The following SPINK5 variants were observed in gnomAD, a reference collection of about 807,000 sequenced individuals.
SPINK5 encodes serine peptidase inhibitor Kazal type 5, also known as serine protease inhibitor Kazal-type 5.
SPINK5 carries 125 observed loss-of-function variants against 151.8 expected under a neutral mutation model. That is an observed-to-expected ratio of 0.82 (90% CI 0.71 to 0.96). SPINK5 has a LOEUF of 0.96. SPINK5 is among the 40% of genes least tolerant of loss of function. The pLI, the probability that SPINK5 is intolerant of heterozygous loss-of-function variation, is 0.00. For missense variants in SPINK5, 1,194 were observed against 1,291.9 expected (o/e 0.92, Z 1.16); for synonymous variants, 374 against 395.3 (o/e 0.95, Z 0.64).
At chr5:148,119,379 A>G (rs537443785) in intron 24 of SPINK5, among the ~76,000 whole-genome samples, 1 of 152,222 alleles carries the variant, frequency 6.6e-6, no homozygotes, top group South Asian at 2.1e-4. Context: ...GTATACTGGG[A>G]TTTATTTTTG....
At chr5:148,132,330 C>A (rs1754592636) in intron 31 of SPINK5, among the ~76,000 whole-genome samples, 1 of 152,070 alleles carries the variant, frequency 6.6e-6, no homozygotes, top group Non-Finnish European at 1.5e-5. Flanking sequence ...ACACTATAAG[C>A]AAGGCCCAGA....
intron 6 of SPINK5, chr5:148,088,914 C>A: frequency 2.1e-6 from 1 of 466,710 alleles, no homozygotes; most frequent in South Asian, 1.9e-5. Context: ...GTCACTTAGC[C>A]TGCGTTAAAA....
rs762115235 is a variant in SPINK5, at chr5:148,072,261, T to C, written c.282+41T>C. 12 of 1,584,706 alleles carry C rather than the reference T, an allele frequency of 7.6e-6. No homozygotes were observed. The Admixed American group carries it at 1.0e-4, about 13-fold the overall frequency. On this transcript the variant is annotated intron_variant, in intron 4 of 32. Transcript: ENST00000256084. ...GCCAACCTGTTTACTTTTGAGAGGA[T>C]GTTTGACTCTATTTAGAGCTATCTG...
Position 148,120,022 on chromosome 5 carries a change from A to C in SPINK5, c.2327A>C (p.Glu776Ala), listed in dbSNP as rs772856146. The C allele has an allele frequency of 1.2e-6, 2 of 1,613,842 alleles. No individual in the cohort carries two copies. The highest frequency in any genetic ancestry group is 1.7e-5 in the Admixed American group (1 of 59,992). The change falls in exon 25 of 33, where the codon GAG becomes GCG. Residue 776 changes from glutamate (E) to alanine (A), a missense_variant. Glu to Ala is a moderately radical substitution (Grantham distance 107). Coordinates refer to ENST00000256084, the MANE Select transcript of SPINK5 (RefSeq NM_006846.4). ...GSESGKDTCDEFRSQMKNGKL... is the reference protein window; with the variant it reads ...GSESGKDTCDAFRSQMKNGKL... ...CCATCTTTTCAGGATACATGTGATG[A>C]GTTTAGAAGCCAAATGAAAAATGGA...
At chr5:148,129,643 C>G (rs745776681) in intron 30 of SPINK5, among the ~76,000 whole-genome samples, 2 of 152,134 alleles carry the variant, frequency 1.3e-5, no homozygotes, top group Non-Finnish European at 2.9e-5. Flanking sequence ...AGTTACTTAT[C>G]TAAATTCTCT....
At chr5:148,078,578 A>G (rs552097610) in intron 4 of SPINK5, among the ~76,000 whole-genome samples, 5 of 150,952 alleles carry the variant, frequency 3.3e-5, no homozygotes, top group Non-Finnish European at 7.4e-5. Context: ...AATCATATAT[A>G]GTATTTTTTT....
intron 4 of SPINK5, 21 bp from the exon 5 acceptor site, chr5:148,086,384 C>G (rs766931877): frequency 6.2e-7 from 1 of 1,608,144 alleles, no homozygotes; most frequent in African/African-American, 1.3e-5. Flanking sequence ...TTTTGACGTT[C>G]CTTGATCATG....
chr5:148,087,051 TTATC>T (rs1472885727), intron 5 of SPINK5, among the ~76,000 whole-genome samples: 4 of 151,566 alleles, frequency 2.6e-5, no homozygotes, highest in Non-Finnish European at 5.9e-5. Context: ...ATCTATTTGT[TTATC>T]TATGTGTATA....
At chr5:148,094,588 C>A (rs1561684821) in intron 9 of SPINK5, 107 bp downstream of exon 9, 24 of 1,581,540 alleles carry the variant, frequency 1.5e-5, no homozygotes, top group Non-Finnish European at 1.8e-5. Flanking sequence ...TGTTGAGAAC[C>A]ATCTGAGCAG....
intron 2 of SPINK5, among the ~76,000 whole-genome samples, chr5:148,068,882 T>A (rs927870469): frequency 2.0e-5 from 3 of 151,996 alleles, no homozygotes; most frequent in Non-Finnish European, 4.4e-5. Flanking sequence ...AGGTGTATCA[T>A]TTGAGGTCAG....
At chr5:148,135,327 ATAGACCACACCT>A (rs766121163) in intron 32 of SPINK5, among the ~76,000 whole-genome samples, 48 of 152,196 alleles carry the variant, frequency 3.2e-4, no homozygotes, top group Non-Finnish European at 5.6e-4. Flanking sequence ...TGCCAGTCCA[ATAGACCACACCT>A]TAGACCACAC....
At chr5:148,080,585 T>C (rs1376246841) in intron 4 of SPINK5, among the ~76,000 whole-genome samples, 1 of 151,242 alleles carries the variant, frequency 6.6e-6, no homozygotes, top group Non-Finnish European at 1.5e-5. Flanking sequence ...GCTGAGAAAA[T>C]TGAATATAAT....
At chr5:148,098,213 A>G (rs1753524964) in intron 11 of SPINK5, among the ~76,000 whole-genome samples, 1 of 152,044 alleles carries the variant, frequency 6.6e-6, no homozygotes, top group Admixed American at 6.6e-5. Context: ...TAGCACTGGA[A>G]TGTCCTGACA....
At chr5:148,095,760 A>G in intron 9 of SPINK5, 58 bp from the exon 10 acceptor site, 1 of 1,421,156 alleles carries the variant, frequency 7.0e-7, no homozygotes, top group Non-Finnish European at 9.9e-7. Flanking sequence ...ATACCTAATG[A>G]CTGTTTTGTA....
chr5:148,073,843 C>T (rs1159035712), intron 4 of SPINK5, among the ~76,000 whole-genome samples: 7 of 147,010 alleles, frequency 4.8e-5, no homozygotes, highest in African/African-American at 1.5e-4. Context: ...CACACACACA[C>T]ACACACACAC....
chr5:148,099,292 T>C lies in SPINK5; in HGVS notation c.1069T>C (p.Ser357Pro), dbSNP rs766896178. The change falls in exon 12 of 33, where the codon TCT becomes CCT. Residue 357 changes from serine (S) to proline (P), a missense_variant. Ser to Pro is a moderately conservative substitution (Grantham distance 74, BLOSUM62 -1). Transcript: ENST00000256084. ...AGCACGAGCTAGAAACAAAAGAGAA[T>C]CTGGAAAAGCAACCTCATATGCAGT... ...AEARARNKRE[S>P]GKATSYAELC... is the part of the protein sequence containing the mutation. The C allele has an allele frequency of 9.9e-6, 16 of 1,612,284 alleles. No homozygotes were observed. In the Admixed American group the frequency reaches 2.2e-4, roughly 22 times the overall value.
At chr5:148,086,822 A>T (rs1359107146) in intron 5 of SPINK5, among the ~76,000 whole-genome samples, 2 of 150,712 alleles carry the variant, frequency 1.3e-5, no homozygotes, top group Non-Finnish European at 3.0e-5. Context: ...ATAAAATGTT[A>T]TAGATTTTAT....
intron 20 of SPINK5, among the ~76,000 whole-genome samples, 200 bp from the exon 21 acceptor site, chr5:148,114,162 G>C (rs1222318930): frequency 1.3e-5 from 2 of 151,890 alleles, no homozygotes; most frequent in Non-Finnish European, 2.9e-5. Context: ...CTGGATTTTG[G>C]GGCTATCAAG....
chr5:148,070,461 GT>G lies in SPINK5; in HGVS notation c.209+14del. On this transcript the variant is annotated intron_variant, in intron 3 of 32. Transcript: ENST00000256084. ...GTGCAAAATGATACTGTGAGTAAAG[GT>G]TTCTTTCTTTCTTTCCAATGTTTGA... The G allele has an allele frequency of 1.2e-6, 2 of 1,611,688 alleles. No homozygotes were observed. Among genetic ancestry groups the G allele is most frequent in the Non-Finnish European group, 1.7e-6 (2 of 1,178,494 alleles).
Sources: allele counts gnomAD v4.1 joint callset (sites outside exome capture counted in the v4.1 genomes callset), GRCh38; gene constraint gnomAD v4.1.1; transcripts MANE v1.5; gene names NCBI Gene and HGNC (gene_info 2026-07-23, HGNC 2026-07-21).